The following LRMDA variants were observed in gnomAD, a reference collection of about 807,000 sequenced individuals.
The protein encoded by LRMDA is leucine rich melanocyte differentiation associated, also known as leucine-rich melanocyte differentiation-associated protein.
A neutral mutation model predicts 29.8 loss-of-function variants in LRMDA; 18 were observed. The observed-to-expected ratio is 0.60, with a 90% CI of 0.42 to 0.90. The LOEUF is 0.90. LRMDA is among the 40% of genes least tolerant of loss of function. LRMDA has a pLI of 0.00. For synonymous variants in LRMDA, 125 were observed against 109.4 expected (o/e 1.14, Z -0.89); for missense variants, 273 against 273.9 (o/e 1.00, Z 0.02).
At chr10:75,905,247 T>G (rs906837922) in intron 2 of LRMDA, among the ~76,000 whole-genome samples, 5 of 151,394 alleles carry the variant, frequency 3.3e-5, no homozygotes, top group African/African-American at 1.2e-4. Flanking sequence ...TTTTTTTTTT[T>G]TTTTTTTTAA....
chr10:75,850,945 A>G (rs866954596), intron 2 of LRMDA, among the ~76,000 whole-genome samples: 32 of 152,338 alleles, frequency 2.1e-4, no homozygotes, highest in Middle Eastern at 6.8e-3. Context: ...GAGAAATGAC[A>G]CAGAAATATT....
At chr10:75,861,726 C>T (rs1290088544) in intron 2 of LRMDA, among the ~76,000 whole-genome samples, 1 of 152,180 alleles carries the variant, frequency 6.6e-6, no homozygotes, top group East Asian at 1.9e-4. Flanking sequence ...ATGGTGGATT[C>T]TTACTGTGGT....
intron 5 of LRMDA, among the ~76,000 whole-genome samples, chr10:76,104,612 G>A (rs1440226414): frequency 6.6e-6 from 1 of 152,106 alleles, no homozygotes; most frequent in African/African-American, 2.4e-5. Flanking sequence ...GGTAGCTCTG[G>A]TGCTTCAGTG....
At chr10:76,123,304 A>C (rs1435389255) in intron 5 of LRMDA, among the ~76,000 whole-genome samples, 1 of 151,280 alleles carries the variant, frequency 6.6e-6, no homozygotes, top group Admixed American at 6.6e-5. Context: ...CAGGAGTTTG[A>C]GACCACCCTG....
chr10:76,306,018 T>A (rs879829076), intron 5 of LRMDA, among the ~76,000 whole-genome samples: 1 of 152,236 alleles, frequency 6.6e-6, no homozygotes, highest in Non-Finnish European at 1.5e-5. Flanking sequence ...AACACATTAG[T>A]ATTGTGAAAA....
intron 2 of LRMDA, among the ~76,000 whole-genome samples, chr10:75,815,165 A>G (rs1330028975): frequency 6.6e-6 from 1 of 152,062 alleles, no homozygotes; most frequent in Non-Finnish European, 1.5e-5. Flanking sequence ...ACTCAGGCTT[A>G]GAAATGGAGC....
At chr10:76,351,134 G>T (rs527831583) in intron 6 of LRMDA, among the ~76,000 whole-genome samples, 4 of 152,058 alleles carry the variant, frequency 2.6e-5, no homozygotes, top group Non-Finnish European at 5.9e-5. Context: ...AGCACTTATT[G>T]ATGCAAAGAA....
At chr10:76,447,954 G>C (rs888757295) in intron 6 of LRMDA, among the ~76,000 whole-genome samples, 1 of 152,094 alleles carries the variant, frequency 6.6e-6, no homozygotes, top group African/African-American at 2.4e-5. Context: ...TGAAATTTCA[G>C]CTAGAATTGC....
chr10:76,469,134 T>C (rs1322337525), intron 6 of LRMDA, among the ~76,000 whole-genome samples: 2 of 152,180 alleles, frequency 1.3e-5, no homozygotes, highest in East Asian at 1.9e-4. Context: ...ACTTAAACCA[T>C]GACCTGTTCC....
intron 2 of LRMDA, among the ~76,000 whole-genome samples, chr10:75,526,916 C>G (rs1034978354): frequency 2.6e-5 from 4 of 151,316 alleles, no homozygotes; most frequent in Non-Finnish European, 5.9e-5. Context: ...TTTTAAAGTA[C>G]ATAATTAATT....
intron 6 of LRMDA, among the ~76,000 whole-genome samples, chr10:76,359,408 T>A (rs1278507185): frequency 6.6e-6 from 1 of 152,080 alleles, no homozygotes; most frequent in Non-Finnish European, 1.5e-5. Context: ...ATAAGACTGG[T>A]TACATTAGTG....
chr10:76,006,028 G>A (rs1029334706), intron 2 of LRMDA, among the ~76,000 whole-genome samples: 1 of 152,134 alleles, frequency 6.6e-6, no homozygotes, highest in African/African-American at 2.4e-5. Context: ...CTAATGCAGG[G>A]GTTCAGGCAG....
chr10:76,361,500 G>A (rs1841312539), intron 6 of LRMDA, among the ~76,000 whole-genome samples: 1 of 152,094 alleles, frequency 6.6e-6, no homozygotes, highest in Admixed American at 6.6e-5. Context: ...GTGCTGGATC[G>A]ACCCCTGGTG....
intron 6 of LRMDA, among the ~76,000 whole-genome samples, chr10:76,490,462 A>G (rs1000444507): frequency 6.6e-6 from 1 of 151,750 alleles, no homozygotes; most frequent in African/African-American, 2.4e-5. Flanking sequence ...TGGGTACTCC[A>G]GTGTTCAGTG....
At chr10:76,453,900 A>G (rs1369363902) in intron 6 of LRMDA, among the ~76,000 whole-genome samples, 1 of 152,232 alleles carries the variant, frequency 6.6e-6, no homozygotes, top group Non-Finnish European at 1.5e-5. Context: ...CTATGTACAT[A>G]TTCCATGTTT....
chr10:75,445,573 G>GT (rs5786172), intron 2 of LRMDA, among the ~76,000 whole-genome samples: 152,368 of 152,376 alleles, frequency 1, 76,180 homozygotes, highest in Middle Eastern at 1. Context: ...GCTTTAGCCG[G>GT]GTTGGTTCCT....
At chr10:75,596,196 G>A (rs1010621130) in intron 2 of LRMDA, among the ~76,000 whole-genome samples, 4 of 152,222 alleles carry the variant, frequency 2.6e-5, no homozygotes, top group African/African-American at 9.6e-5. Context: ...ATGACAGGTG[G>A]TGAAACTGAA....
At chr10:76,530,774 T>C (rs912359079) in intron 6 of LRMDA, among the ~76,000 whole-genome samples, 26 of 152,206 alleles carry the variant, frequency 1.7e-4, no homozygotes, top group African/African-American at 6.3e-4. Context: ...AAAATGTTTT[T>C]CATTCCATGA....
chr10:76,349,338 G>A (rs964124561), intron 6 of LRMDA, among the ~76,000 whole-genome samples: 2 of 152,094 alleles, frequency 1.3e-5, no homozygotes, highest in Non-Finnish European at 2.9e-5. Flanking sequence ...GTTCCAATAA[G>A]ACTATTTAGA....
Sources: allele counts gnomAD v4.1 joint callset (sites outside exome capture counted in the v4.1 genomes callset), GRCh38; gene constraint gnomAD v4.1.1; transcripts MANE v1.5; gene names NCBI Gene and HGNC (gene_info 2026-07-23, HGNC 2026-07-21).